PAAF1: variants seen among roughly 807,000 people sequenced by gnomAD.
PAAF1 encodes proteasomal ATPase-associated factor 1.
In PAAF1, 46 loss-of-function variants were observed where a neutral mutation model predicts 52.8. The observed-to-expected ratio is 0.87, with a 90% CI of 0.69 to 1.11. The LOEUF (loss-of-function observed/expected upper bound fraction) is 1.11. Ranked by LOEUF, PAAF1 falls within the 50% of genes most tolerant of loss-of-function variation. PAAF1 has a pLI of 0.00. For missense variants in PAAF1, 424 were observed against 477.4 expected, an observed-to-expected ratio of 0.89 and a Z score of 1.04; for synonymous variants, 178 against 172.8, an observed-to-expected ratio of 1.03 and a Z score of -0.24.
Position 73,927,299 on chromosome 11 carries a change from G to C in PAAF1, c.1116G>C (p.Glu372Asp), listed in dbSNP as rs1357157120. 1 of 1,577,448 alleles carries C rather than the reference G, an allele frequency of 6.3e-7. No individual in the cohort carries two copies. The highest frequency in any genetic ancestry group is 1.8e-5 in the Admixed American group (1 of 56,438). ...TTGTGTTTTAGGTAGCCACATGGGA[G>C]AAGCAGATCTACACATGCTGTCGAG... Reference protein sequence around the residue: ...CDPVYKVATWEKQIYTCCRDG... With the variant: ...CDPVYKVATWDKQIYTCCRDG... The change falls in exon 12 of 12, where the codon GAG (glutamate) becomes GAC (aspartate). Residue 372 changes from glutamate to aspartate, a missense_variant. Transcript: ENST00000310571.
At chr11:73,926,479 G>T (rs1950362251) in intron 11 of PAAF1, among the ~76,000 whole-genome samples, 1 of 152,104 alleles carries the variant, frequency 6.6e-6, no homozygotes, top group Non-Finnish European at 1.5e-5. Flanking sequence ...GAGGCGGAGG[G>T]GGTGCGAATC....
intron 4 of PAAF1, among the ~76,000 whole-genome samples, chr11:73,891,646 T>A (rs34308910): frequency 0.057 from 8,650 of 152,174 alleles, 274 homozygotes; most frequent in Middle Eastern, 0.11. Context: ...GTGGTGGCAC[T>A]TACCTGTAGT....
At chr11:73,926,844 C>T (rs186390267) in intron 11 of PAAF1, among the ~76,000 whole-genome samples, 1 of 152,252 alleles carries the variant, frequency 6.6e-6, no homozygotes, top group Non-Finnish European at 1.5e-5. Flanking sequence ...GGTAGTAAAG[C>T]TGAGACTAAC....
intron 10 of PAAF1, among the ~76,000 whole-genome samples, chr11:73,924,204 C>T (rs966986919): frequency 1.3e-5 from 2 of 152,192 alleles, no homozygotes; most frequent in African/African-American, 4.8e-5. Context: ...CTTGTAATCC[C>T]AGCACCTTGG....
chr11:73,897,477 C>T (rs1352111937), intron 4 of PAAF1, among the ~76,000 whole-genome samples: 5 of 150,784 alleles, frequency 3.3e-5, no homozygotes, highest in Admixed American at 6.6e-5. Flanking sequence ...ACGGGGCGGC[C>T]GGGCAGAGAC....
chr11:73,916,323 T>G (rs553133221), intron 8 of PAAF1, among the ~76,000 whole-genome samples: 2 of 152,178 alleles, frequency 1.3e-5, no homozygotes, highest in Non-Finnish European at 2.9e-5. Context: ...GAGTATATTA[T>G]ATAACCTGCT....
chr11:73,897,214 C>T (rs866487456), intron 4 of PAAF1, among the ~76,000 whole-genome samples: 6 of 120,526 alleles, frequency 5.0e-5, no homozygotes, highest in Non-Finnish European at 1.0e-4. Context: ...CCGGACGGGG[C>T]GGCTGGCCGG....
chr11:73,927,321 C>A lies in PAAF1; in HGVS notation c.1138C>A (p.Arg380=). ...TWEKQIYTCC[R]DGLVRRYQLS... ...GGAGAAGCAGATCTACACATGCTGT[C>A]GAGACGGTCTTGTACGACGCTACCA... The change falls in exon 12 of 12, where the codon CGA becomes AGA. Residue 380 remains arginine (R), a synonymous_variant. Transcript: ENST00000310571. The A allele has an allele frequency of 6.2e-7, 1 of 1,614,110 alleles. No homozygotes were observed. Among genetic ancestry groups the A allele is most frequent in the Non-Finnish European group, 8.5e-7 (1 of 1,179,992 alleles).
At chr11:73,926,294 C>A (rs1365996302) in intron 11 of PAAF1, among the ~76,000 whole-genome samples, 1 of 152,120 alleles carries the variant, frequency 6.6e-6, no homozygotes, top group South Asian at 2.1e-4. Flanking sequence ...TTAGTAGAGA[C>A]GAGGTTTCTC....
intron 2 of PAAF1, among the ~76,000 whole-genome samples, chr11:73,885,667 C>A (rs1331433537): frequency 6.6e-6 from 1 of 151,108 alleles, no homozygotes; most frequent in Non-Finnish European, 1.5e-5. Flanking sequence ...TATGGTGAAA[C>A]CCCGTCTCTA....
At position 73,930,198 on chromosome 11, in the gene PAAF1, G is replaced by GTC. The variant is rs34109105; in HGVS notation, c.*2838_*2839dup. ...ATCCTGGCTAACACAGTGAAACCCT[G>GTC]TCTACAAAAAATACAAAAAAATTTA... On this transcript the variant is annotated 3_prime_UTR_variant, in exon 12 of 12. Transcript: ENST00000310571. 8,586 of 151,024 alleles carry GTC rather than the reference G, an allele frequency of 0.057. 267 individuals carry two copies. Among genetic ancestry groups the GTC allele is most frequent in the Middle Eastern group, 0.099 (29 of 292 alleles). The allele number at this position is 151,024 out of a possible 1,614,324, so 9.4% of individuals were successfully genotyped here. A position where few individuals can be genotyped will look rare whatever the true frequency, so the allele number is the denominator to read the frequency against.
intron 8 of PAAF1, among the ~76,000 whole-genome samples, chr11:73,914,835 G>A (rs753802511): frequency 5.1e-4 from 77 of 151,762 alleles, no homozygotes; most frequent in Non-Finnish European, 7.1e-4. Context: ...AGCCTCCTGA[G>A]TAGCTGGGAT....
intron 7 of PAAF1, among the ~76,000 whole-genome samples, chr11:73,912,825 G>A (rs1388943193): frequency 6.6e-6 from 1 of 152,142 alleles, no homozygotes; most frequent in Non-Finnish European, 1.5e-5. Flanking sequence ...TTCAGCCACA[G>A]GCCTTCAGTT....
Position 73,901,620 on chromosome 11 carries a change from TA to T in PAAF1, c.532+1202del, listed in dbSNP as rs760636407. 1.7e-4 allele frequency among the ~76,000 whole-genome samples: 26 copies of T among 151,976 alleles called. No individual in the cohort carries two copies. In the East Asian group the frequency reaches 2.3e-3, roughly 14 times the overall value. ...AAGTTTTAAGATTTTTTTTTTTTTT[TA>T]AGATGGAGTCTCACTCTGTCGCCTA... On this transcript the variant is annotated intron_variant, in intron 6 of 11. Transcript: ENST00000310571.
chr11:73,904,099 A>G (rs1949696662), intron 6 of PAAF1, among the ~76,000 whole-genome samples: 1 of 151,756 alleles, frequency 6.6e-6, no homozygotes, highest in East Asian at 1.9e-4. Context: ...AAAAAAAAGT[A>G]TATATATATA....
chr11:73,899,922 A>G (rs1591079063), intron 5 of PAAF1, among the ~76,000 whole-genome samples: 2 of 152,266 alleles, frequency 1.3e-5, no homozygotes, highest in East Asian at 1.9e-4. Flanking sequence ...AGGATTTTAA[A>G]CAGAGATGAG....
intron 2 of PAAF1, among the ~76,000 whole-genome samples, chr11:73,882,285 T>C (rs1948932786): frequency 6.6e-6 from 1 of 150,552 alleles, no homozygotes; most frequent in Admixed American, 6.6e-5. Context: ...GTGCTGGGAT[T>C]ACAGGCGTGA....
intron 2 of PAAF1, among the ~76,000 whole-genome samples, chr11:73,881,788 C>T (rs1339899239): frequency 3.3e-5 from 5 of 152,038 alleles, no homozygotes. Flanking sequence ...CTCACTGCAA[C>T]CTCTGCCTCC....
At chr11:73,922,577 G>A (rs11235950) in intron 10 of PAAF1, among the ~76,000 whole-genome samples, 18,404 of 151,992 alleles carry the variant, frequency 0.12, 1,172 homozygotes, top group Admixed American at 0.16. Context: ...CAGCACTTTC[G>A]GAGGCCGAGG....
Sources: allele counts gnomAD v4.1 joint callset (sites outside exome capture counted in the v4.1 genomes callset), GRCh38; gene constraint gnomAD v4.1.1; transcripts MANE v1.5; gene names NCBI Gene and HGNC (gene_info 2026-07-23, HGNC 2026-07-21).